The following ZC2HC1B variants were observed in gnomAD, a reference collection of about 807,000 sequenced individuals.
ZC2HC1B encodes zinc finger C2HC domain-containing protein 1B.
In ZC2HC1B, 36 loss-of-function variants were observed where a neutral mutation model predicts 31.0. That is an observed-to-expected ratio of 1.16 (90% CI 0.89 to 1.54). ZC2HC1B has a LOEUF of 1.54. Ranked by LOEUF, ZC2HC1B falls within the 40% of genes most tolerant of loss-of-function variation. The pLI, the probability that ZC2HC1B is intolerant of heterozygous loss-of-function variation, is 0.00. For synonymous variants in ZC2HC1B, 73 were observed against 88.0 expected (o/e 0.83, Z 0.95); for missense variants, 260 against 268.6 (o/e 0.97, Z 0.22).
At position 143,870,885 on chromosome 6, in the gene ZC2HC1B, A is replaced by G. The variant is rs1481326035; in HGVS notation, c.28+6318A>G. On this transcript the variant is annotated intron_variant, in intron 1 of 7. Transcript: ENST00000237275. This position sits in a 1 kb window ranked among gnomAD's most constrained non-coding sequence, Gnocchi z 4.7. ...CAATTGACAGAGCAGCTTGCACAGC[A>G]GCCTGGACCTGTTGTAGAGCCTTCT... 6.6e-6 allele frequency among the ~76,000 whole-genome samples: 1 copy of G among 152,186 alleles called. No individual in the cohort carries two copies. Among genetic ancestry groups the G allele is most frequent in the East Asian group, 1.9e-4 (1 of 5,192 alleles).
In ZC2HC1B at chr6:143,918,695, G is replaced by T. The variant is rs1321901856; in HGVS notation, c.598+15543G>T. Among the ~76,000 whole-genome samples the T allele has an allele frequency of 6.6e-6, 1 of 152,086 alleles. No homozygotes were observed. The highest frequency in any genetic ancestry group is 2.4e-5 in the African/African-American group (1 of 41,400). On this transcript the variant is annotated intron_variant, in intron 6 of 7. Coordinates refer to ENST00000237275, the MANE Select transcript of ZC2HC1B (RefSeq NM_001013623.3). This position sits in a 1 kb window ranked among gnomAD's most constrained non-coding sequence, Gnocchi z 4.1. ...ATTCCCACAATGCATATGTTGGTCA[G>T]TTTGACAGTGTCCCACAGGTCCCTA...
At chr6:143,910,716 A>G (rs1777846235) in intron 6 of ZC2HC1B, among the ~76,000 whole-genome samples, 1 of 152,084 alleles carries the variant, frequency 6.6e-6, no homozygotes, top group Non-Finnish European at 1.5e-5. Flanking sequence ...ACCTTTATGT[A>G]ATGCCCTTCT....
intron 1 of ZC2HC1B, among the ~76,000 whole-genome samples, chr6:143,882,367 T>C (rs1438110423): frequency 7.1e-6 from 1 of 141,152 alleles, no homozygotes; most frequent in African/African-American, 2.7e-5. Context: ...TATATATATA[T>C]ATTTAGATGA....
rs60691058 is a variant in ZC2HC1B at position 143,912,091 on chromosome 6, T to C, written c.598+8939T>C. ...TATTTGTGATTGCATTGTGAAGTCC[T>C]GTACTGTGCTTTTCAGCTCTAACAG... On this transcript the variant is annotated intron_variant, in intron 6 of 7. Coordinates refer to ENST00000237275, the MANE Select transcript of ZC2HC1B (RefSeq NM_001013623.3). 2.1e-3 allele frequency among the ~76,000 whole-genome samples: 326 copies of C among 152,368 alleles called. 7 individuals carry two copies. The East Asian group carries it at 0.039, about 18-fold the overall frequency.
At position 143,908,709 on chromosome 6, in the gene ZC2HC1B, C is replaced by T; in HGVS notation, c.598+5557C>T. ...AATGGGGTTTTCTAGATATAGGATC[C>T]TGTCATCTGCAAACAAAGATAGTTT... On this transcript the variant is annotated intron_variant, in intron 6 of 7. Coordinates refer to ENST00000237275, the MANE Select transcript of ZC2HC1B (RefSeq NM_001013623.3). This position sits in a 1 kb window ranked among gnomAD's most constrained non-coding sequence, Gnocchi z 4.4. 6.6e-6 allele frequency among the ~76,000 whole-genome samples: 1 copy of T among 152,100 alleles called. No homozygotes were observed. The highest frequency in any genetic ancestry group is 1.9e-4 in the East Asian group (1 of 5,192).
intron 7 of ZC2HC1B, 62 bp downstream of exon 7, chr6:143,937,795 A>G: frequency 7.9e-7 from 1 of 1,258,450 alleles, no homozygotes; most frequent in Non-Finnish European, 1.1e-6. Context: ...TTTTAAGAGA[A>G]TGGATGCATA....
rs1479954210 is a variant in ZC2HC1B at position 143,933,881 on chromosome 6, C to T, written c.599-3768C>T. 2.0e-5 allele frequency among the ~76,000 whole-genome samples: 3 copies of T among 152,196 alleles called. No homozygotes were observed. Among genetic ancestry groups the T allele is most frequent in the Admixed American group, 6.5e-5 (1 of 15,282 alleles). ...CCCAGATTCTTCTCAAGAGGGTTTG[C>T]ACCCAGTCAAAATTATTACAAAGTT... On this transcript the variant is annotated intron_variant, in intron 6 of 7. Coordinates refer to ENST00000237275, the MANE Select transcript of ZC2HC1B (RefSeq NM_001013623.3). The surrounding 1 kb of genome is among the most constrained non-coding windows in gnomAD (Gnocchi z 6.4).
chr6:143,886,533 C>A lies in ZC2HC1B; in HGVS notation c.211-150C>A. ...AATTATATTACTGTACTTTCCAAACCTCTTTAAGGAGTACTTTTGAAAAAC... is the reference window on the plus strand; with the variant it reads ...AATTATATTACTGTACTTTCCAAACATCTTTAAGGAGTACTTTTGAAAAAC... On this transcript the variant is annotated intron_variant, in intron 3 of 7. Transcript: ENST00000237275. This position sits in a 1 kb window ranked among gnomAD's most constrained non-coding sequence, Gnocchi z 4.2. The A allele has an allele frequency of 1.3e-6, 1 of 744,874 alleles. No homozygotes were observed. Among genetic ancestry groups the A allele is most frequent in the Non-Finnish European group, 1.9e-6 (1 of 524,244 alleles). 46.1% of individuals were successfully genotyped at this position (744,874 alleles called of 1,614,324 possible).
intron 6 of ZC2HC1B, among the ~76,000 whole-genome samples, chr6:143,904,738 A>G (rs974389479): frequency 6.6e-6 from 1 of 152,146 alleles, no homozygotes; most frequent in Non-Finnish European, 1.5e-5. Context: ...CTAGCTTTAG[A>G]TCTTACGTTT....
At chr6:143,881,839 G>A (rs1031693031) in intron 1 of ZC2HC1B, 3 of 152,146 alleles carry the variant, frequency 2.0e-5, no homozygotes. Flanking sequence ...GGTTCAGAAG[G>A]TGGTGGTCCA....
chr6:143,931,291 G>C (rs1778115558), intron 6 of ZC2HC1B, among the ~76,000 whole-genome samples: 1 of 152,004 alleles, frequency 6.6e-6, no homozygotes, highest in Admixed American at 6.5e-5. Flanking sequence ...GAAGCATTTA[G>C]GCCATTTACA....
At chr6:143,891,071 C>T (rs993695365) in intron 4 of ZC2HC1B, among the ~76,000 whole-genome samples, 33 of 145,614 alleles carry the variant, frequency 2.3e-4, no homozygotes, top group African/African-American at 8.2e-4. Context: ...GCAGAGGTTG[C>T]AGTAAGCTGA....
chr6:143,910,420 A>G lies in ZC2HC1B; in HGVS notation c.598+7268A>G, dbSNP rs139370172. 4.7e-3 allele frequency among the ~76,000 whole-genome samples: 722 copies of G among 152,294 alleles called. 7 individuals are homozygous for G. The highest frequency in any genetic ancestry group is 0.017 in the African/African-American group (688 of 41,570). ...ATTTTAGAGTTAAGTGCCATGTGGCAATGAGAAGAATGTATATTCTGTTGT... is the reference window on the plus strand; with the variant it reads ...ATTTTAGAGTTAAGTGCCATGTGGCGATGAGAAGAATGTATATTCTGTTGT... On this transcript the variant is annotated intron_variant, in intron 6 of 7. Coordinates refer to ENST00000237275, the MANE Select transcript of ZC2HC1B (RefSeq NM_001013623.3).
intron 4 of ZC2HC1B, among the ~76,000 whole-genome samples, chr6:143,893,832 A>G (rs112839186): frequency 0.02 from 3,082 of 151,880 alleles, 90 homozygotes; most frequent in African/African-American, 0.071. Flanking sequence ...GACTACAGGC[A>G]CCCACCACCA....
In ZC2HC1B at chr6:143,870,911, C is replaced by A. The variant is rs1176872731; in HGVS notation, c.28+6344C>A. Among the ~76,000 whole-genome samples, 3 of 152,166 alleles carry A rather than the reference C, an allele frequency of 2.0e-5. No individual in the cohort carries two copies. The highest frequency in any genetic ancestry group is 4.4e-5 in the Non-Finnish European group (3 of 68,026). On this transcript the variant is annotated intron_variant, in intron 1 of 7. Transcript: ENST00000237275. The surrounding 1 kb of genome is among the most constrained non-coding windows in gnomAD (Gnocchi z 4.7). ...GCCTGGACCTGTTGTAGAGCCTTCT[C>A]CTGTTCTGGACCCCACTCAAAACTG... is the stretch of plus-strand genomic sequence containing the variant.
intron 6 of ZC2HC1B, among the ~76,000 whole-genome samples, chr6:143,926,876 G>A (rs1446855778): frequency 3.3e-5 from 4 of 119,538 alleles, no homozygotes; most frequent in African/African-American, 6.7e-5. Flanking sequence ...TCGCTCTGTC[G>A]CCCAGGCCGC....
rs1268853645 is a variant in ZC2HC1B, at chr6:143,934,766, G to A, written c.599-2883G>A. 2.6e-5 allele frequency among the ~76,000 whole-genome samples: 4 copies of A among 152,216 alleles called. No homozygotes were observed. Among genetic ancestry groups the A allele is most frequent in the Non-Finnish European group, 5.9e-5 (4 of 68,040 alleles). ...ACTTAAACTGCAGTTGTTATTGGAA[G>A]CTGTGGTGAGGCTTTGCTGGGGATG... is the stretch of plus-strand genomic sequence containing the variant. On this transcript the variant is annotated intron_variant, in intron 6 of 7. Coordinates refer to ENST00000237275, the MANE Select transcript of ZC2HC1B (RefSeq NM_001013623.3). This position sits in a 1 kb window ranked among gnomAD's most constrained non-coding sequence, Gnocchi z 4.6.
At chr6:143,925,213 T>C (rs1406069676) in intron 6 of ZC2HC1B, among the ~76,000 whole-genome samples, 4 of 141,886 alleles carry the variant, frequency 2.8e-5, no homozygotes, top group Non-Finnish European at 4.5e-5. Flanking sequence ...TCTCACTCTG[T>C]CGCCCAGGCT....
chr6:143,903,846 T>C lies in ZC2HC1B; in HGVS notation c.598+694T>C, dbSNP rs1005373266. On this transcript the variant is annotated intron_variant, in intron 6 of 7. Transcript: ENST00000237275. The surrounding 1 kb of genome is among the most constrained non-coding windows in gnomAD (Gnocchi z 4.3). Reference sequence around the variant, plus strand: ...AATGTAAATGCTATGTAAGTAGTTGTTATGCTATATTAAAATTGTTGTATT... The same window carrying C: ...AATGTAAATGCTATGTAAGTAGTTGCTATGCTATATTAAAATTGTTGTATT... 1.3e-5 allele frequency among the ~76,000 whole-genome samples: 2 copies of C among 152,260 alleles called. No homozygotes were observed. The highest frequency in any genetic ancestry group is 1.9e-4 in the East Asian group (1 of 5,202).
Sources: allele counts gnomAD v4.1 joint callset (sites outside exome capture counted in the v4.1 genomes callset), GRCh38; gene constraint gnomAD v4.1.1; non-coding constraint Gnocchi (gnomAD v3.1); transcripts MANE v1.5; gene names NCBI Gene and HGNC (gene_info 2026-07-23, HGNC 2026-07-21).